Variants in PHKA1 observed in about 807,000 individuals in gnomAD.
PHKA1 encodes the protein phosphorylase kinase regulatory subunit alpha 1.
A neutral mutation model predicts 110.2 loss-of-function variants in PHKA1; 60 were observed. The observed-to-expected ratio is 0.54, with a 90% CI of 0.44 to 0.68. The LOEUF (loss-of-function observed/expected upper bound fraction) is 0.68, where lower values mean the gene tolerates loss of function less well. Ranked by LOEUF, PHKA1 falls within the 30% of genes least tolerant of loss-of-function variation. PHKA1 has a pLI of 0.00. For synonymous variants in PHKA1, 316 were observed against 333.6 expected (o/e 0.95, Z 0.58); for missense variants, 801 against 942.5 (o/e 0.85, Z 1.97).
chrX:72,630,449 T>C (rs1556286620), intron 16 of PHKA1, among the ~76,000 whole-genome samples: 1 of 111,633 alleles, frequency 9.0e-6, no homozygotes, highest in Non-Finnish European at 1.9e-5. Flanking sequence ...TTCAAGAACT[T>C]TCTTCAAACC....
At chrX:72,662,054 C>T (rs1556304401) in intron 8 of PHKA1, among the ~76,000 whole-genome samples, 1 of 111,892 alleles carries the variant, frequency 8.9e-6, no homozygotes, top group Non-Finnish European at 1.9e-5. Flanking sequence ...CAAAAGGCTC[C>T]CACCGTCCCT....
intron 8 of PHKA1, among the ~76,000 whole-genome samples, chrX:72,663,327 CA>C (rs113508626): frequency 0.11 from 11,067 of 98,799 alleles, 1,140 homozygotes; most frequent in East Asian, 0.69. Flanking sequence ...ACCAGGCATA[CA>C]AAAAAAAAAC....
At position 72,644,394 on chromosome X, in the gene PHKA1, G is replaced by A; in HGVS notation, c.1427C>T (p.Ala476Val). ...AEVYPIRVQP[A>V]RILSHIYSSL... Reference sequence around the variant, plus strand: ...GGAATAAATGTGGCTGAGAATACGAGCTGGTTGTACTCTGATGGGGTATAC... The same window carrying A: ...GGAATAAATGTGGCTGAGAATACGAACTGGTTGTACTCTGATGGGGTATAC... The change falls in exon 14 of 32, where the codon GCT becomes GTT. Residue 476 changes from alanine to valine, a missense_variant. By Grantham distance (64) the Ala-to-Val change is moderately conservative. Transcript: ENST00000373542. The A allele has an allele frequency of 8.3e-7, 1 of 1,209,519 alleles. No homozygotes were observed.
chrX:72,618,150 G>A (rs2052925204), intron 21 of PHKA1, among the ~76,000 whole-genome samples: 1 of 111,541 alleles, frequency 9.0e-6, no homozygotes, highest in Non-Finnish European at 1.9e-5. Flanking sequence ...ACCAAATTTA[G>A]GGGAAGAAAG....
intron 3 of PHKA1, among the ~76,000 whole-genome samples, chrX:72,698,977 AAATGT>A (rs782074332): frequency 3.6e-5 from 4 of 112,100 alleles, no homozygotes; most frequent in African/African-American, 1.3e-4. Flanking sequence ...ATAATTACGT[AAATGT>A]AATAGGATAA....
chrX:72,581,488 G>A (rs2052336815), intron 31 of PHKA1, among the ~76,000 whole-genome samples: 1 of 111,548 alleles, frequency 9.0e-6, no homozygotes, highest in Non-Finnish European at 1.9e-5. Flanking sequence ...CCTATTAATA[G>A]ACAAATGTTA....
chrX:72,627,102 G>C, intron 16 of PHKA1, 53 bp from the exon 17 acceptor site: 5 of 905,154 alleles, frequency 5.5e-6, no homozygotes, highest in Non-Finnish European at 3.2e-6. Context: ...CTCTGAAGTA[G>C]GGAGAAATCT....
intron 4 of PHKA1, among the ~76,000 whole-genome samples, chrX:72,695,119 C>T (rs1164072902): frequency 1.8e-5 from 2 of 111,101 alleles, no homozygotes; most frequent in Admixed American, 9.6e-5. Context: ...TCTCAATAAC[C>T]GGGTTGGAAG....
chrX:72,698,364 G>T lies in PHKA1; in HGVS notation c.286-2488C>A, dbSNP rs1446436512. ...AGATACTAAAAAAGAATTGTCAAAT[G>T]CTTTTTGAAGTTTATGTAACTTAAG... On this transcript the variant is annotated intron_variant, in intron 3 of 31. Coordinates refer to ENST00000373542, the MANE Select transcript of PHKA1 (RefSeq NM_002637.4). 7.1e-5 allele frequency among the ~76,000 whole-genome samples: 8 copies of T among 112,392 alleles called. No homozygotes were observed. In the East Asian group the frequency reaches 1.7e-3, roughly 24 times the overall value.
intron 21 of PHKA1, among the ~76,000 whole-genome samples, chrX:72,611,737 G>A (rs1286295291): frequency 1.8e-5 from 2 of 112,030 alleles, no homozygotes; most frequent in Non-Finnish European, 3.8e-5. Flanking sequence ...ACTATACCAA[G>A]ATAACATTTT....
At chrX:72,649,769 A>T (rs1003127192) in intron 13 of PHKA1, among the ~76,000 whole-genome samples, 1 of 110,934 alleles carries the variant, frequency 9.0e-6, no homozygotes, top group Non-Finnish European at 1.9e-5. Flanking sequence ...CGAGACAGGC[A>T]GATCACGAGG....
At chrX:72,628,592 A>G (rs1010196328) in intron 16 of PHKA1, among the ~76,000 whole-genome samples, 3 of 86,275 alleles carry the variant, frequency 3.5e-5, no homozygotes, top group Non-Finnish European at 5.9e-5. Context: ...ATATATATAT[A>G]TATATTTTTT....
At chrX:72,681,408 C>T (rs1556315077) in intron 5 of PHKA1, among the ~76,000 whole-genome samples, 1 of 106,881 alleles carries the variant, frequency 9.4e-6, no homozygotes, top group Non-Finnish European at 1.9e-5. Context: ...GGGGGTCAGC[C>T]CCCCGCCCGG....
At chrX:72,627,118 T>C in intron 16 of PHKA1, 69 bp from the exon 17 acceptor site, 2 of 808,006 alleles carry the variant, frequency 2.5e-6, no homozygotes, top group Non-Finnish European at 3.8e-6. Context: ...AATCTTGTAA[T>C]TATTTCAAAT....
At chrX:72,599,522 T>C (rs1006675055) in intron 28 of PHKA1, among the ~76,000 whole-genome samples, 1 of 111,823 alleles carries the variant, frequency 8.9e-6, no homozygotes, top group Admixed American at 9.5e-5. Flanking sequence ...CTGGGCCTCA[T>C]CCGCAGTCTT....
intron 4 of PHKA1, among the ~76,000 whole-genome samples, chrX:72,691,058 G>A (rs1386158463): frequency 2.7e-5 from 3 of 112,903 alleles, no homozygotes; most frequent in African/African-American, 6.4e-5. Flanking sequence ...ATGGGCCACC[G>A]CGCCCAGCCT....
chrX:72,585,852 A>G (rs569619037), intron 29 of PHKA1, among the ~76,000 whole-genome samples: 27 of 112,552 alleles, frequency 2.4e-4, no homozygotes, highest in Admixed American at 2.3e-3. Context: ...ACTGCAAGGC[A>G]GCAGCCTGGC....
intron 10 of PHKA1, among the ~76,000 whole-genome samples, chrX:72,655,914 G>C (rs1410198966): frequency 2.7e-5 from 3 of 112,123 alleles, no homozygotes; most frequent in African/African-American, 9.7e-5. Flanking sequence ...GCCACCACAC[G>C]CGGCCGAAAC....
At chrX:72,686,503 G>A (rs782227430) in intron 4 of PHKA1, among the ~76,000 whole-genome samples, 11 of 111,617 alleles carry the variant, frequency 9.9e-5, no homozygotes, top group Non-Finnish European at 2.1e-4. Context: ...TTCACTGAAC[G>A]GTTACTCATG....
Sources: gnomAD v4.1 joint callset for allele counts (sites outside exome capture counted in the v4.1 genomes callset) on GRCh38, gnomAD v4.1.1 for gene constraint, MANE v1.5 for transcripts, NCBI Gene and HGNC (gene_info 2026-07-23, HGNC 2026-07-21) for gene names.